SPOCK3: variants seen among roughly 807,000 people sequenced by gnomAD.
SPOCK3 encodes the protein testican-3.
A neutral mutation model predicts 56.6 loss-of-function variants in SPOCK3; 30 were observed. The observed-to-expected ratio is 0.53, with a 90% confidence interval of 0.40 to 0.72. SPOCK3 has a LOEUF of 0.72. Among genes scored for constraint, SPOCK3 ranks in the 30% least tolerant of loss-of-function variants. The pLI is 0.00. For synonymous variants in SPOCK3, 196 were observed against 183.3 expected, an observed-to-expected ratio of 1.07 and a Z score of -0.56; for missense variants, 527 against 530.0, an observed-to-expected ratio of 0.99 and a Z score of 0.06.
At chr4:166,831,980 A>G (rs554551854) in intron 6 of SPOCK3, among the ~76,000 whole-genome samples, 14 of 152,114 alleles carry the variant, frequency 9.2e-5, no homozygotes, top group South Asian at 4.1e-4. Flanking sequence ...AATTCTGAGT[A>G]CTAGACCTTT....
intron 6 of SPOCK3, among the ~76,000 whole-genome samples, chr4:166,852,509 T>C (rs1002137368): frequency 5.3e-5 from 8 of 152,124 alleles, no homozygotes; most frequent in African/African-American, 1.9e-4. Context: ...GTACCACTCC[T>C]GACACTGCCC....
chr4:167,208,070 C>T (rs1365601021), intron 2 of SPOCK3, among the ~76,000 whole-genome samples: 1 of 152,034 alleles, frequency 6.6e-6, no homozygotes, highest in Non-Finnish European at 1.5e-5. Context: ...TCCCAGATTC[C>T]TAAGTATTTG....
intron 4 of SPOCK3, among the ~76,000 whole-genome samples, chr4:166,953,330 A>C (rs1742938246): frequency 6.6e-6 from 1 of 152,206 alleles, no homozygotes; most frequent in Non-Finnish European, 1.5e-5. Context: ...AAACCCATGA[A>C]AAAATGCTCA....
rs376740568 is a variant in SPOCK3 at position 167,046,429 on chromosome 4, CT to C, written c.235+16062del. Among the ~76,000 whole-genome samples the C allele has an allele frequency of 3.0e-3, 270 of 91,256 alleles. 2 individuals carry two copies. Among genetic ancestry groups the C allele is most frequent in the Middle Eastern group, 0.025 (4 of 160 alleles). 59.9% of individuals were successfully genotyped at this position (91,256 alleles called of 152,430 possible). On this transcript the variant is annotated intron_variant, in intron 3 of 10. Transcript: ENST00000357545. ...AATATTTATTCTGTTCCTTTATTAT[CT>C]TTTTTTTCTTTCTGATATTCTTTTT...
At chr4:167,042,271 T>C (rs35447722) in intron 3 of SPOCK3, among the ~76,000 whole-genome samples, 4,626 of 152,288 alleles carry the variant, frequency 0.03, 93 homozygotes, top group Non-Finnish European at 0.048. Flanking sequence ...TTTCTATCCA[T>C]CTGTGGTTGA....
At chr4:167,166,214 A>G (rs1360980481) in intron 2 of SPOCK3, among the ~76,000 whole-genome samples, 1 of 152,072 alleles carries the variant, frequency 6.6e-6, no homozygotes, top group African/African-American at 2.4e-5. Flanking sequence ...CACTATTTTA[A>G]TATTCCCTGG....
In SPOCK3 at chr4:167,192,874, T is replaced by C. The variant is rs1732594925; in HGVS notation, c.189+41111A>G. Among the ~76,000 whole-genome samples, 2 of 146,274 alleles carry C rather than the reference T, an allele frequency of 1.4e-5. 1 individual carries two copies. The highest frequency in any genetic ancestry group is 3.0e-5 in the Non-Finnish European group (2 of 67,020). ...CTTTGACCCATTGGTTGTTCAGGTA[T>C]GTCTTGTTTAATTTCCTTATATTTG... On this transcript the variant is annotated intron_variant, in intron 2 of 10. Transcript: ENST00000357545.
At chr4:167,222,496 T>C (rs1258600560) in intron 2 of SPOCK3, among the ~76,000 whole-genome samples, 2 of 137,974 alleles carry the variant, frequency 1.4e-5, no homozygotes, top group East Asian at 2.0e-4. Context: ...ATATTACATA[T>C]GAATATATGA....
chr4:167,186,742 T>G (rs1274450106), intron 2 of SPOCK3, among the ~76,000 whole-genome samples: 1 of 151,540 alleles, frequency 6.6e-6, no homozygotes, highest in Non-Finnish European at 1.5e-5. Context: ...TTTGGGAGGC[T>G]GAGGCAGGTG....
chr4:167,134,460 T>G (rs1248493344), intron 2 of SPOCK3, among the ~76,000 whole-genome samples: 2 of 152,200 alleles, frequency 1.3e-5, no homozygotes, highest in African/African-American at 4.8e-5. Flanking sequence ...TTTCTCAATT[T>G]AATTTTTATT....
intron 5 of SPOCK3, among the ~76,000 whole-genome samples, chr4:166,900,304 C>T (rs1298144718): frequency 6.6e-6 from 1 of 152,146 alleles, no homozygotes; most frequent in Admixed American, 6.6e-5. Flanking sequence ...ACTTTTCATG[C>T]TCCCGACCAC....
intron 6 of SPOCK3, among the ~76,000 whole-genome samples, chr4:166,881,911 T>C (rs533568069): frequency 6.6e-6 from 1 of 152,170 alleles, no homozygotes. Flanking sequence ...AGAAGTGGAA[T>C]AGCAAACATC....
intron 4 of SPOCK3, among the ~76,000 whole-genome samples, chr4:166,950,462 T>G (rs2150034577): frequency 6.6e-6 from 1 of 151,844 alleles, no homozygotes; most frequent in Non-Finnish European, 1.5e-5. Flanking sequence ...ACAAAGAGAC[T>G]TAGACTCCCA....
At chr4:167,024,611 T>C (rs76090793) in intron 3 of SPOCK3, among the ~76,000 whole-genome samples, 16,627 of 152,014 alleles carry the variant, frequency 0.11, 1,146 homozygotes, top group Middle Eastern at 0.23. Context: ...ACAAATACAT[T>C]AGGATATGTG....
intron 4 of SPOCK3, among the ~76,000 whole-genome samples, chr4:166,985,610 A>C (rs1434018377): frequency 6.6e-6 from 1 of 152,138 alleles, no homozygotes; most frequent in African/African-American, 2.4e-5. Flanking sequence ...CAATATTACA[A>C]AGTGTCAATA....
chr4:166,806,688 G>A (rs1454959410), intron 6 of SPOCK3, among the ~76,000 whole-genome samples: 1 of 151,816 alleles, frequency 6.6e-6, no homozygotes, highest in African/African-American at 2.4e-5. Context: ...TTGTTTCTTT[G>A]GATTATTAGT....
At position 167,229,154 on chromosome 4, in the gene SPOCK3, T is replaced by C. The variant is rs190360197; in HGVS notation, c.189+4831A>G. Among the ~76,000 whole-genome samples the C allele has an allele frequency of 9.8e-5, 15 of 152,310 alleles. No individual in the cohort carries two copies. The Middle Eastern group carries it at 0.01, about 104-fold the overall frequency. ...TTTCATAAGAATTGGATATCCATTA[T>C]TGAGAAAGCATTCTTAAACAGAGAG... is the stretch of plus-strand genomic sequence containing the variant. On this transcript the variant is annotated intron_variant, in intron 2 of 10. Coordinates refer to ENST00000357545, the MANE Select transcript of SPOCK3 (RefSeq NM_001040159.2).
At chr4:167,082,934 C>A (rs578190994) in intron 2 of SPOCK3, among the ~76,000 whole-genome samples, 2 of 151,572 alleles carry the variant, frequency 1.3e-5, no homozygotes, top group African/African-American at 4.8e-5. Context: ...ACCGTGATAC[C>A]GGAAACTGAT....
intron 4 of SPOCK3, among the ~76,000 whole-genome samples, chr4:166,959,047 T>A (rs1743833613): frequency 6.6e-6 from 1 of 152,160 alleles, no homozygotes. Context: ...TTATAAAGGG[T>A]GACAAGCATC....
Sources: allele counts gnomAD v4.1 joint callset (sites outside exome capture counted in the v4.1 genomes callset), GRCh38; gene constraint gnomAD v4.1.1; transcripts MANE v1.5; gene names NCBI Gene and HGNC (gene_info 2026-07-23, HGNC 2026-07-21).